Variants in DACH1 observed in about 807,000 individuals in gnomAD.
The protein encoded by DACH1 is dachshund homolog 1.
DACH1 carries 12 observed loss-of-function variants against 54.2 expected under a neutral mutation model. The ratio of observed to expected loss-of-function variants is 0.22; its 90% CI spans 0.14 to 0.36. The LOEUF is 0.36. DACH1 is among the 10% of genes least tolerant of loss of function. The pLI is 1.00. For synonymous variants in DACH1, 386 were observed against 366.2 expected (o/e 1.05, Z -0.62); for missense variants, 805 against 929.8 (o/e 0.87, Z 1.75).
At chr13:71,678,007 C>CGTG (rs1342762683) in intron 2 of DACH1, among the ~76,000 whole-genome samples, 2 of 152,086 alleles carry the variant, frequency 1.3e-5, no homozygotes, top group African/African-American at 4.8e-5. Context: ...CATCAGCCAC[C>CGTG]GCCCCCTAGC....
chr13:71,542,232 G>A (rs992507968), intron 6 of DACH1, among the ~76,000 whole-genome samples: 3 of 151,804 alleles, frequency 2.0e-5, no homozygotes, highest in African/African-American at 7.3e-5. Context: ...CCTGGGAAAC[G>A]AGCGAAACTC....
chr13:71,796,452 T>G (rs145056959), intron 1 of DACH1, among the ~76,000 whole-genome samples: 1 of 152,200 alleles, frequency 6.6e-6, no homozygotes, highest in East Asian at 1.9e-4. Flanking sequence ...TGACAAAGCT[T>G]TAAACTATTA....
intron 1 of DACH1, among the ~76,000 whole-genome samples, chr13:71,757,142 T>A (rs1885200764): frequency 1.3e-5 from 2 of 152,230 alleles, no homozygotes; most frequent in African/African-American, 2.4e-5. Flanking sequence ...TTAGCTTGAA[T>A]AATTAATATT....
chr13:71,746,203 C>T (rs769963250), intron 1 of DACH1, among the ~76,000 whole-genome samples: 2 of 152,062 alleles, frequency 1.3e-5, no homozygotes, highest in Non-Finnish European at 2.9e-5. Flanking sequence ...GATGACAGAG[C>T]AAGACCCTGT....
chr13:71,453,372 T>A (rs1201530484), intron 10 of DACH1, among the ~76,000 whole-genome samples: 1 of 152,140 alleles, frequency 6.6e-6, no homozygotes, highest in Non-Finnish European at 1.5e-5. Flanking sequence ...TTTGATCAAA[T>A]AAGATGCTAC....
At chr13:71,798,269 C>T (rs929893885) in intron 1 of DACH1, among the ~76,000 whole-genome samples, 19 of 145,234 alleles carry the variant, frequency 1.3e-4, no homozygotes, top group Admixed American at 8.4e-4. Context: ...TTCCCCTTTC[C>T]GGCATCAAGC....
intron 1 of DACH1, among the ~76,000 whole-genome samples, chr13:71,851,041 G>A (rs547341775): frequency 3.9e-5 from 6 of 152,276 alleles, no homozygotes; most frequent in African/African-American, 1.2e-4. Flanking sequence ...GTATGCTTAC[G>A]ATCACATATT....
intron 10 of DACH1, among the ~76,000 whole-genome samples, chr13:71,450,213 T>TA (rs1263091739): frequency 2.0e-5 from 3 of 152,036 alleles, no homozygotes; most frequent in Non-Finnish European, 4.4e-5. Context: ...TTGTTTGTTT[T>TA]AACAAGTTGA....
At chr13:71,689,615 A>G (rs924000689) in intron 1 of DACH1, among the ~76,000 whole-genome samples, 1 of 152,190 alleles carries the variant, frequency 6.6e-6, no homozygotes, top group South Asian at 2.1e-4. Flanking sequence ...ATAGTACAAG[A>G]AATTTATTTA....
intron 6 of DACH1, among the ~76,000 whole-genome samples, chr13:71,534,719 T>C (rs1309668857): frequency 6.6e-6 from 1 of 151,692 alleles, no homozygotes; most frequent in African/African-American, 2.4e-5. Context: ...GAATAAGAGG[T>C]AAAATTTAAA....
chr13:71,630,899 T>C (rs1877052253), intron 2 of DACH1, among the ~76,000 whole-genome samples, 182 bp from the exon 3 acceptor site: 1 of 152,152 alleles, frequency 6.6e-6, no homozygotes, highest in Non-Finnish European at 1.5e-5. Context: ...AAGGGGGAGA[T>C]TGATTGCTAC....
intron 1 of DACH1, among the ~76,000 whole-genome samples, chr13:71,687,209 A>ATATG (rs1197421535): frequency 2.0e-5 from 3 of 152,134 alleles, no homozygotes; most frequent in African/African-American, 7.2e-5. Context: ...TAAACTTTAT[A>ATATG]TATGTATGTA....
intron 6 of DACH1, among the ~76,000 whole-genome samples, chr13:71,555,087 A>G (rs956769091): frequency 6.6e-6 from 1 of 152,116 alleles, no homozygotes; most frequent in African/African-American, 2.4e-5. Flanking sequence ...TTTAGCTCTA[A>G]TATCCTGACA....
At chr13:71,603,527 G>A (rs1874658701) in intron 3 of DACH1, among the ~76,000 whole-genome samples, 1 of 151,736 alleles carries the variant, frequency 6.6e-6, no homozygotes, top group South Asian at 2.1e-4. Context: ...GTTTATTTTA[G>A]GAAAATAAAC....
chr13:71,453,841 A>T (rs1230949395), intron 10 of DACH1, among the ~76,000 whole-genome samples: 1 of 152,184 alleles, frequency 6.6e-6, no homozygotes, highest in South Asian at 2.1e-4. Flanking sequence ...TAAATATGAG[A>T]GTTTCCTAGC....
chr13:71,775,015 T>C (rs1286111667), intron 1 of DACH1, among the ~76,000 whole-genome samples: 1 of 151,004 alleles, frequency 6.6e-6, no homozygotes, highest in Non-Finnish European at 1.5e-5. Context: ...CAGGGCATAG[T>C]GGTTCATGCC....
chr13:71,715,932 A>G (rs969692957), intron 1 of DACH1, among the ~76,000 whole-genome samples: 2 of 152,044 alleles, frequency 1.3e-5, no homozygotes, highest in African/African-American at 4.8e-5. Flanking sequence ...TTTTCTCTTG[A>G]GTTTGAAATC....
At position 71,866,888 on chromosome 13, in the gene DACH1, G is replaced by A. The variant is rs1208228983; in HGVS notation, c.-119C>T. On this transcript the variant is annotated 5_prime_UTR_variant, in exon 1 of 11. Coordinates refer to ENST00000613252, the MANE Select transcript of DACH1 (RefSeq NM_080759.6). Reference sequence around the variant, plus strand: ...AGCGAGGGGGGCAACAACAACTCCGGGAGAGAACGAGAAGGAGAAAGGGAG... The same window carrying A: ...AGCGAGGGGGGCAACAACAACTCCGAGAGAGAACGAGAAGGAGAAAGGGAG... 3 of 741,064 alleles carry A rather than the reference G, an allele frequency of 4.0e-6. No individual in the cohort carries two copies. Among genetic ancestry groups the A allele is most frequent in the Non-Finnish European group, 5.6e-6 (3 of 540,388 alleles). The allele number at this position is 741,064 out of a possible 1,614,324, so 45.9% of individuals were successfully genotyped here.
chr13:71,824,116 C>A (rs1395539099), intron 1 of DACH1, among the ~76,000 whole-genome samples: 1 of 151,738 alleles, frequency 6.6e-6, no homozygotes, highest in Non-Finnish European at 1.5e-5. Flanking sequence ...ATATGTGTTA[C>A]CTACGTTGAG....
Sources: gnomAD v4.1 joint callset for allele counts (sites outside exome capture counted in the v4.1 genomes callset) on GRCh38, gnomAD v4.1.1 for gene constraint, MANE v1.5 for transcripts, NCBI Gene and HGNC (gene_info 2026-07-23, HGNC 2026-07-21) for gene names.